The following SERINC5 variants were observed in gnomAD, a reference collection of about 807,000 sequenced individuals.
The protein encoded by SERINC5 is chromosome 5 open reading frame 12.
A neutral mutation model predicts 63.1 loss-of-function variants in SERINC5; 41 were observed. That is an observed-to-expected ratio of 0.65 (90% CI 0.51 to 0.84). The LOEUF is 0.84. Among genes scored for constraint, SERINC5 ranks in the 40% least tolerant of loss-of-function variants. SERINC5 has a pLI of 0.00. For missense variants in SERINC5, 523 were observed against 573.0 expected (o/e 0.91, Z 0.89); for synonymous variants, 222 against 215.2 (o/e 1.03, Z -0.28).
chr5:80,218,758 C>A (rs540605700), intron 1 of SERINC5, among the ~76,000 whole-genome samples: 108 of 152,146 alleles, frequency 7.1e-4, no homozygotes, highest in Non-Finnish European at 1.2e-3. Flanking sequence ...TCCCTTCCTG[C>A]GCTTCTGAGA....
At chr5:80,255,692 C>T (rs1348007089) in intron 1 of SERINC5, among the ~76,000 whole-genome samples, 1 of 152,162 alleles carries the variant, frequency 6.6e-6, no homozygotes, top group East Asian at 1.9e-4. Context: ...GGTAGCCTCT[C>T]GGGCTTCCCC....
intron 10 of SERINC5, 135 bp downstream of exon 10, chr5:80,147,110 G>C: frequency 1.3e-6 from 1 of 766,684 alleles, no homozygotes; most frequent in East Asian, 2.7e-5. Flanking sequence ...AAGTGTATAA[G>C]TAGTAAGTCA....
chr5:80,234,056 C>T (rs778244501), intron 1 of SERINC5, among the ~76,000 whole-genome samples: 1 of 151,952 alleles, frequency 6.6e-6, no homozygotes, highest in Admixed American at 6.6e-5. Context: ...GTGATCCGTC[C>T]GTCTCAGCCT....
intron 1 of SERINC5, among the ~76,000 whole-genome samples, chr5:80,227,589 C>G (rs980219105): frequency 6.9e-6 from 1 of 145,754 alleles, no homozygotes; most frequent in African/African-American, 2.6e-5. Flanking sequence ...GGTGAAACCC[C>G]GTCTCTACTA....
Position 80,140,082 on chromosome 5 carries a change from C to A in SERINC5, c.*3581G>T. On this transcript the variant is annotated 3_prime_UTR_variant, in exon 12 of 12. Coordinates refer to ENST00000507668, the MANE Select transcript of SERINC5 (RefSeq NM_001174072.3). ...CAGTGGTTTACGCCTATAATCCCAG[C>A]ACTTTGGGAAGCCAAGGCGGGCACA... 1.0e-6 allele frequency: 1 copy of A among 977,138 alleles called. No individual in the cohort carries two copies. The highest frequency in any genetic ancestry group is 1.2e-6 in the Non-Finnish European group (1 of 822,486). The allele number at this position is 977,138 out of a possible 1,614,324, so 60.5% of individuals were successfully genotyped here. A position where few individuals can be genotyped will look rare whatever the true frequency, so the allele number is the denominator to read the frequency against.
chr5:80,145,963 T>C, intron 11 of SERINC5, 127 bp downstream of exon 11: 1 of 938,028 alleles, frequency 1.1e-6, no homozygotes, highest in South Asian at 1.6e-5. Context: ...TGAGCCAGGA[T>C]CGTGCCACTG....
chr5:80,195,449 C>T (rs756048850), intron 2 of SERINC5, among the ~76,000 whole-genome samples: 1 of 152,066 alleles, frequency 6.6e-6, no homozygotes, highest in Non-Finnish European at 1.5e-5. Context: ...TAACACCACA[C>T]GTATTTGCTG....
intron 7 of SERINC5, among the ~76,000 whole-genome samples, chr5:80,163,341 G>A (rs982852548): frequency 6.6e-6 from 1 of 152,106 alleles, no homozygotes; most frequent in Non-Finnish European, 1.5e-5. Context: ...CCTCTTGCCT[G>A]AGTGTCCTGG....
intron 1 of SERINC5, among the ~76,000 whole-genome samples, chr5:80,225,010 G>A (rs1026566835): frequency 1.3e-5 from 2 of 148,240 alleles, no homozygotes; most frequent in African/African-American, 5.0e-5. Context: ...GCGTGATCTT[G>A]GCTTACTGCA....
intron 1 of SERINC5, among the ~76,000 whole-genome samples, chr5:80,213,822 T>C (rs1435341914): frequency 1.3e-5 from 2 of 152,170 alleles, no homozygotes; most frequent in Non-Finnish European, 2.9e-5. Context: ...CCTAATTCTA[T>C]GGAAATAACC....
intron 2 of SERINC5, among the ~76,000 whole-genome samples, chr5:80,178,702 A>G (rs1056048733): frequency 6.6e-6 from 1 of 151,840 alleles, no homozygotes; most frequent in Non-Finnish European, 1.5e-5. Flanking sequence ...ATTTCAATAC[A>G]TGGATATATT....
intron 1 of SERINC5, among the ~76,000 whole-genome samples, chr5:80,251,347 T>C (rs1752411463): frequency 1.3e-5 from 2 of 151,402 alleles, no homozygotes; most frequent in South Asian, 2.1e-4. Flanking sequence ...TGGGTTTTCA[T>C]TGAGGAAAAT....
At chr5:80,120,754 G>A (rs942038002) in intron 11 of SERINC5, among the ~76,000 whole-genome samples, 1 of 152,152 alleles carries the variant, frequency 6.6e-6, no homozygotes, top group African/African-American at 2.4e-5. Flanking sequence ...GGCAGAGGTT[G>A]CGTGAGCCGA....
At chr5:80,238,970 C>G (rs1751832111) in intron 1 of SERINC5, among the ~76,000 whole-genome samples, 1 of 152,168 alleles carries the variant, frequency 6.6e-6, no homozygotes. Flanking sequence ...CAAGTGTGTA[C>G]TGGGCATTGG....
intron 7 of SERINC5, among the ~76,000 whole-genome samples, chr5:80,162,910 G>A (rs1290937795): frequency 3.3e-5 from 5 of 151,234 alleles, no homozygotes; most frequent in Non-Finnish European, 5.9e-5. Flanking sequence ...GCTGTAGTGC[G>A]ATCTTGGCTA....
rs112667326 is a variant in SERINC5, at chr5:80,162,845, C to CTT, written c.859+3536_859+3537dup. ...TACTGGTGTATAGAAACACTACTGACTTTTTTTTTTTGAGGCGGAGTTTCA... is the reference window on the plus strand; with the variant it reads ...TACTGGTGTATAGAAACACTACTGACTTTTTTTTTTTTTGAGGCGGAGTTTCA... On this transcript the variant is annotated intron_variant, in intron 7 of 11. Coordinates refer to ENST00000507668, the MANE Select transcript of SERINC5 (RefSeq NM_001174072.3). Among the ~76,000 whole-genome samples, 135 of 146,878 alleles carry CTT rather than the reference C, an allele frequency of 9.2e-4. 1 individual carries two copies. Among genetic ancestry groups the CTT allele is most frequent in the African/African-American group, 3.2e-3 (128 of 40,310 alleles).
chr5:80,220,996 C>T (rs995619006), intron 1 of SERINC5, among the ~76,000 whole-genome samples: 2 of 151,960 alleles, frequency 1.3e-5, no homozygotes, highest in Non-Finnish European at 2.9e-5. Flanking sequence ...GTGGAGGAAG[C>T]CCCCCAAAAC....
At chr5:80,245,815 A>C (rs904832948) in intron 1 of SERINC5, among the ~76,000 whole-genome samples, 1 of 151,698 alleles carries the variant, frequency 6.6e-6, no homozygotes, top group Non-Finnish European at 1.5e-5. Flanking sequence ...GGGCTTCACC[A>C]TGTTGGCCAG....
chr5:80,212,607 T>G (rs1750482078), intron 1 of SERINC5, among the ~76,000 whole-genome samples: 1 of 137,096 alleles, frequency 7.3e-6, no homozygotes, highest in African/African-American at 2.8e-5. Flanking sequence ...AGCTCAGAAA[T>G]AGCTTCCACT....
Sources: gnomAD v4.1 joint callset for allele counts (sites outside exome capture counted in the v4.1 genomes callset) on GRCh38, gnomAD v4.1.1 for gene constraint, MANE v1.5 for transcripts, NCBI Gene and HGNC (gene_info 2026-07-23, HGNC 2026-07-21) for gene names.